The following ANKFN1 variants were observed in gnomAD, a reference collection of about 807,000 sequenced individuals.
The protein encoded by ANKFN1 is ankyrin repeat and fibronectin type-III domain-containing protein 1.
A neutral mutation model predicts 108.7 loss-of-function variants in ANKFN1; 74 were observed. The ratio of observed to expected loss-of-function variants is 0.68; its 90% CI spans 0.56 to 0.83. The LOEUF (loss-of-function observed/expected upper bound fraction) is 0.83, where lower values mean the gene tolerates loss of function less well. Among genes scored for constraint, ANKFN1 ranks in the 40% least tolerant of loss-of-function variants. The probability of loss-of-function intolerance (pLI) is 0.00; values close to 1 mark genes in which losing one functional copy is unlikely to be tolerated. For missense variants in ANKFN1, 1,505 were observed against 1,382.3 expected (o/e 1.09, Z -1.41); for synonymous variants, 547 against 516.2 (o/e 1.06, Z -0.81).
At chr17:56,351,212 C>G (rs950206023) in intron 5 of ANKFN1, among the ~76,000 whole-genome samples, 10 of 151,662 alleles carry the variant, frequency 6.6e-5, no homozygotes, top group African/African-American at 2.4e-4. Context: ...TATTTCACCA[C>G]TACACCAAAA....
intron 4 of ANKFN1, among the ~76,000 whole-genome samples, chr17:56,062,000 T>C (rs1204848406): frequency 6.6e-6 from 1 of 152,186 alleles, no homozygotes; most frequent in African/African-American, 2.4e-5. Context: ...CCAGGAGTCA[T>C]TTAGGAGCAT....
chr17:56,319,764 C>T (rs918160526), intron 3 of ANKFN1, among the ~76,000 whole-genome samples: 1 of 152,104 alleles, frequency 6.6e-6, no homozygotes, highest in Non-Finnish European at 1.5e-5. Flanking sequence ...CTACAAATTC[C>T]TACTGATGTG....
chr17:56,364,768 T>C (rs1048154241), intron 6 of ANKFN1, among the ~76,000 whole-genome samples: 1 of 152,226 alleles, frequency 6.6e-6, no homozygotes, highest in African/African-American at 2.4e-5. Context: ...TCCTGGAAAG[T>C]TGCAGAGAAC....
chr17:56,126,919 G>A (rs1567795989), intron 4 of ANKFN1, among the ~76,000 whole-genome samples: 6 of 152,188 alleles, frequency 3.9e-5, no homozygotes. Context: ...TGGGGAGACA[G>A]TTAAAATTAA....
chr17:56,099,827 C>CATGAG (rs1905605971), intron 4 of ANKFN1, among the ~76,000 whole-genome samples: 1 of 152,224 alleles, frequency 6.6e-6, no homozygotes, highest in Admixed American at 6.5e-5. Flanking sequence ...AAAGCCAAGT[C>CATGAG]ATGAGGCATT....
chr17:56,469,483 T>A (rs1320259587), intron 15 of ANKFN1, among the ~76,000 whole-genome samples: 6 of 151,886 alleles, frequency 4.0e-5, no homozygotes, highest in Admixed American at 1.3e-4. Context: ...GGTGGTGGAG[T>A]GATGACCACC....
intron 4 of ANKFN1, among the ~76,000 whole-genome samples, chr17:56,346,343 T>G (rs937428353): frequency 6.6e-6 from 1 of 152,138 alleles, no homozygotes; most frequent in Non-Finnish European, 1.5e-5. Context: ...GCTTTGTTCT[T>G]TTTGCTTAGG....
At chr17:56,317,131 T>C (rs1235823391) in intron 3 of ANKFN1, among the ~76,000 whole-genome samples, 1 of 152,196 alleles carries the variant, frequency 6.6e-6, no homozygotes, top group Non-Finnish European at 1.5e-5. Context: ...GAAGTTCTTC[T>C]ATGTGTTAAG....
Position 56,057,813 on chromosome 17 carries a change from C to T in ANKFN1, c.288+11488C>T, listed in dbSNP as rs1904904676. Among the ~76,000 whole-genome samples, 4 of 151,968 alleles carry T rather than the reference C, an allele frequency of 2.6e-5. No homozygotes were observed. The South Asian group carries it at 8.3e-4, about 32-fold the overall frequency. Reference sequence around the variant, plus strand: ...AAAAAAAAATGTGTTGAAATAACTGCTTGATCCATGGGCTGCAGAATGGGT... The same window carrying T: ...AAAAAAAAATGTGTTGAAATAACTGTTTGATCCATGGGCTGCAGAATGGGT... On this transcript the variant is annotated intron_variant, in intron 4 of 12. Coordinates refer to the ANKFN1 transcript ENST00000635860.
At chr17:56,348,261 A>G (rs560115014) in intron 4 of ANKFN1, among the ~76,000 whole-genome samples, 192 of 152,258 alleles carry the variant, frequency 1.3e-3, no homozygotes, top group African/African-American at 3.8e-3. Context: ...ATACACATAC[A>G]TACACATTAC....
chr17:56,354,706 G>A (rs747978791), intron 6 of ANKFN1, among the ~76,000 whole-genome samples: 3 of 151,970 alleles, frequency 2.0e-5, no homozygotes, highest in East Asian at 1.9e-4. Flanking sequence ...CTCAGTCTTC[G>A]GTAAACACTG....
chr17:56,354,089 T>G, intron 6 of ANKFN1, 43 bp downstream of exon 6: 1 of 1,588,012 alleles, frequency 6.3e-7, no homozygotes. Context: ...TAAAGCCAGA[T>G]TCCAGCCTTA....
chr17:56,268,057 C>T (rs1309740046), intron 3 of ANKFN1, among the ~76,000 whole-genome samples: 1 of 152,032 alleles, frequency 6.6e-6, no homozygotes, highest in Non-Finnish European at 1.5e-5. Context: ...TATTCAGGAC[C>T]TATATTCAAC....
chr17:56,181,533 C>G (rs532464427), intron 1 of ANKFN1, among the ~76,000 whole-genome samples: 55 of 152,260 alleles, frequency 3.6e-4, no homozygotes, highest in African/African-American at 1.2e-3. Context: ...AGTGGGAGCA[C>G]TACTAGTTAA....
chr17:56,353,297 G>A (rs1325473077), intron 5 of ANKFN1, among the ~76,000 whole-genome samples: 3 of 150,348 alleles, frequency 2.0e-5, no homozygotes, highest in Admixed American at 6.6e-5. Flanking sequence ...GTTCAGTGGC[G>A]CAATCTCAGC....
chr17:56,061,272 T>C (rs796579226), intron 4 of ANKFN1, among the ~76,000 whole-genome samples: 14 of 124,374 alleles, frequency 1.1e-4, no homozygotes, highest in East Asian at 2.1e-4. Context: ...TTTCTTTTTT[T>C]TTTTTTTTTT....
At chr17:56,482,220 T>A in intron 17 of ANKFN1, 136 bp from the exon 18 acceptor site, 1 of 747,816 alleles carries the variant, frequency 1.3e-6, no homozygotes, top group Non-Finnish European at 2.1e-6. Flanking sequence ...GGCTGAACCC[T>A]AATATTTATG....
chr17:56,509,054 A>G (rs1269049485), intron 20 of ANKFN1, among the ~76,000 whole-genome samples: 1 of 152,230 alleles, frequency 6.6e-6, no homozygotes, highest in Admixed American at 6.5e-5. Context: ...GAGCTCAAAA[A>G]GGCAGAAGAG....
At chr17:56,067,503 C>T (rs541224128) in intron 4 of ANKFN1, among the ~76,000 whole-genome samples, 6 of 152,282 alleles carry the variant, frequency 3.9e-5, no homozygotes, top group South Asian at 4.1e-4. Context: ...TTTGGCCTCT[C>T]TCCTTCCCCT....
Sources: gnomAD v4.1 joint callset for allele counts (sites outside exome capture counted in the v4.1 genomes callset) on GRCh38, gnomAD v4.1.1 for gene constraint, MANE v1.5 for transcripts, NCBI Gene and HGNC (gene_info 2026-07-23, HGNC 2026-07-21) for gene names.